SLC25A44: variants seen among roughly 807,000 people sequenced by gnomAD.
The protein encoded by SLC25A44 is solute carrier family 25 member 44.
Under a neutral mutation model 29.9 loss-of-function variants are expected in SLC25A44, and 17 were observed. The observed-to-expected ratio is 0.57, with a 90% CI of 0.39 to 0.85. The LOEUF (loss-of-function observed/expected upper bound fraction) is 0.85. SLC25A44 is among the 40% of genes least tolerant of loss of function. The pLI, the probability that SLC25A44 is intolerant of heterozygous loss-of-function variation, is 0.00. For missense variants in SLC25A44, 302 were observed against 398.4 expected (o/e 0.76, Z 2.06); for synonymous variants, 140 against 151.8 (o/e 0.92, Z 0.57).
At position 156,210,496 on chromosome 1, in the gene SLC25A44, G is replaced by GGTGCTGTCCTCTCC; in HGVS notation, c.*65_*66insGTGCTGTCCTCTCC. On this transcript the variant is annotated 3_prime_UTR_variant, in exon 4 of 4. Coordinates refer to ENST00000359511, the MANE Select transcript of SLC25A44 (RefSeq NM_014655.4). ...CGTGGGTCAGGGGCAGAGTGGAGAG[G>GGTGCTGTCCTCTCC]ACAGCACCCTCTCCAGGTGCTCCCA... is the stretch of plus-strand genomic sequence containing the variant. 4.8e-6 allele frequency: 6 copies of GGTGCTGTCCTCTCC among 1,249,758 alleles called. No homozygotes were observed. The highest frequency in any genetic ancestry group is 6.6e-6 in the Non-Finnish European group (6 of 915,736). The allele number at this position is 1,249,758 out of a possible 1,614,324, so 77.4% of individuals were successfully genotyped here.
At chr1:156,203,724 G>A (rs1264857014) in intron 2 of SLC25A44, among the ~76,000 whole-genome samples, 1 of 77,024 alleles carries the variant, frequency 1.3e-5, no homozygotes, top group African/African-American at 7.2e-5. Flanking sequence ...TTTTTTTTGA[G>A]ACAGAGTCTC....
intron 2 of SLC25A44, among the ~76,000 whole-genome samples, chr1:156,205,928 G>C (rs898541791): frequency 6.6e-6 from 1 of 152,110 alleles, no homozygotes; most frequent in Admixed American, 6.5e-5. Context: ...TTCACCTCCA[G>C]AGAGAGTAAA....
chr1:156,199,593 C>T (rs1656421305), intron 1 of SLC25A44: 2 of 506,782 alleles, frequency 3.9e-6, no homozygotes, highest in Non-Finnish European at 7.0e-6. Context: ...GGGACAATTT[C>T]TGGAGGAGGG....
intron 2 of SLC25A44, among the ~76,000 whole-genome samples, chr1:156,203,057 C>T (rs539880751): frequency 6.6e-6 from 1 of 152,266 alleles, no homozygotes; most frequent in South Asian, 2.1e-4. Context: ...ATCAGTTTTC[C>T]TTTCCATGGT....
intron 2 of SLC25A44, 23 bp downstream of exon 2, chr1:156,200,495 G>C (rs759837666): frequency 5.8e-6 from 9 of 1,562,836 alleles, no homozygotes; most frequent in South Asian, 1.2e-5. Context: ...CAGGACAGTG[G>C]GGGAGGAAGG....
intron 3 of SLC25A44, 145 bp from the exon 4 acceptor site, chr1:156,210,095 C>A: frequency 2.1e-6 from 1 of 478,344 alleles, no homozygotes. Context: ...TACTAAATCA[C>A]TGTGCTGTAC....
chr1:156,200,989 C>T (rs940948336), intron 2 of SLC25A44, among the ~76,000 whole-genome samples: 1 of 151,992 alleles, frequency 6.6e-6, no homozygotes, highest in Non-Finnish European at 1.5e-5. Flanking sequence ...GCGTTTGCCA[C>T]CATGGCTGGC....
chr1:156,205,284 C>T lies in SLC25A44; in HGVS notation c.626-2602C>T, dbSNP rs558063116. ...TCTTGAACTCCCGACCTCAGGTGAT[C>T]GCCCGCCTCTGCCTCCCAGAGTGCT... On this transcript the variant is annotated intron_variant, in intron 2 of 3. Coordinates refer to ENST00000359511, the MANE Select transcript of SLC25A44 (RefSeq NM_014655.4). Among the ~76,000 whole-genome samples the T allele has an allele frequency of 3.3e-5, 5 of 152,194 alleles. No homozygotes were observed. The South Asian group carries it at 6.2e-4, about 19-fold the overall frequency.
intron 2 of SLC25A44, among the ~76,000 whole-genome samples, chr1:156,202,630 C>T (rs1656657196): frequency 6.6e-6 from 1 of 152,194 alleles, no homozygotes; most frequent in South Asian, 2.1e-4. Context: ...CTCCATGTAA[C>T]CCTTAAACCC....
intron 2 of SLC25A44, among the ~76,000 whole-genome samples, chr1:156,204,685 A>C (rs968762821): frequency 6.7e-6 from 1 of 150,134 alleles, no homozygotes; most frequent in Non-Finnish European, 1.5e-5. Context: ...ATGGGGTTTT[A>C]CCATGTTGGC....
chr1:156,199,869 C>T lies in SLC25A44; in HGVS notation c.22C>T (p.Gln8Ter). Residue 8 changes from glutamine (Q) to a stop codon, truncating the protein, a stop_gained, in exon 2 of 4, where the codon CAG (glutamine) becomes TAG (stop). Transcript: ENST00000359511. LOFTEE classifies it high-confidence loss of function. MEDKRNIQIIEWEHLDKK... is the reference protein window; with the variant it reads MEDKRNI ...CACCATGGAGGACAAACGCAACATC[C>T]AGATCATCGAGTGGGAACACCTGGA... The T allele has an allele frequency of 6.2e-7, 1 of 1,613,882 alleles. No homozygotes were observed. The highest frequency in any genetic ancestry group is 1.1e-5 in the South Asian group (1 of 91,042).
intron 2 of SLC25A44, among the ~76,000 whole-genome samples, chr1:156,203,708 T>TC (rs1656733784): frequency 7.0e-6 from 1 of 142,174 alleles, no homozygotes; most frequent in Non-Finnish European, 1.5e-5. Flanking sequence ...CCTTTTTTTT[T>TC]TTTTTTTTTT....
At position 156,200,462 on chromosome 1, in the gene SLC25A44, C is replaced by T. The variant is rs978100748; in HGVS notation, c.615C>T (p.His205=). Residue 205 remains histidine (H), a synonymous_variant, in exon 2 of 4, where the codon CAC becomes CAT. Coordinates refer to ENST00000359511, the MANE Select transcript of SLC25A44 (RefSeq NM_014655.4). ...GTGCTGTCTGGTGGCCCTTCTATCACTTCTATGCAGGTAAGCAGGGGCCAG... is the reference window on the plus strand; with the variant it reads ...GTGCTGTCTGGTGGCCCTTCTATCATTTCTATGCAGGTAAGCAGGGGCCAG... ...PNSAVWWPFY[H]FYAEQLSYLC... is the part of the protein sequence containing the mutation. The T allele has an allele frequency of 2.5e-6, 4 of 1,605,772 alleles. No homozygotes were observed. Among genetic ancestry groups the T allele is most frequent in the Non-Finnish European group, 3.4e-6 (4 of 1,175,366 alleles).
At chr1:156,209,108 G>C (rs1345049131) in intron 3 of SLC25A44, among the ~76,000 whole-genome samples, 1 of 152,164 alleles carries the variant, frequency 6.6e-6, no homozygotes, top group African/African-American at 2.4e-5. Flanking sequence ...AGGTATTTTT[G>C]TTCCTAGGAA....
chr1:156,204,601 C>T (rs993789381), intron 2 of SLC25A44, among the ~76,000 whole-genome samples: 2 of 152,066 alleles, frequency 1.3e-5, no homozygotes, highest in East Asian at 1.9e-4. Context: ...ATTCTCCTGC[C>T]TCAGCCTACT....
chr1:156,195,926 G>C (rs1656186515), intron 1 of SLC25A44, among the ~76,000 whole-genome samples: 1 of 152,222 alleles, frequency 6.6e-6, no homozygotes, highest in African/African-American at 2.4e-5. Context: ...CTTTCCATTG[G>C]TAGGGTCAAT....
At chr1:156,200,662 A>G (rs925201665) in intron 2 of SLC25A44, among the ~76,000 whole-genome samples, 190 bp downstream of exon 2, 1 of 152,054 alleles carries the variant, frequency 6.6e-6, no homozygotes, top group African/African-American at 2.4e-5. Context: ...AGGAGCTTCT[A>G]ATGTAGTGAG....
At chr1:156,204,631 C>T (rs1366849264) in intron 2 of SLC25A44, among the ~76,000 whole-genome samples, 2 of 151,878 alleles carry the variant, frequency 1.3e-5, no homozygotes, top group African/African-American at 4.8e-5. Flanking sequence ...GGATTACAGG[C>T]GCCTGCTGCC....
At chr1:156,205,289 G>A (rs936369601) in intron 2 of SLC25A44, among the ~76,000 whole-genome samples, 2 of 152,066 alleles carry the variant, frequency 1.3e-5, no homozygotes, top group Non-Finnish European at 2.9e-5. Flanking sequence ...GTGATCGCCC[G>A]CCTCTGCCTC....
Sources: allele counts gnomAD v4.1 joint callset (sites outside exome capture counted in the v4.1 genomes callset), GRCh38; gene constraint gnomAD v4.1.1; transcripts MANE v1.5; gene names NCBI Gene and HGNC (gene_info 2026-07-23, HGNC 2026-07-21).